The following ATAD2 variants were observed in gnomAD, a reference collection of about 807,000 sequenced individuals.
ATAD2 encodes ATPase family AAA domain-containing protein 2.
In ATAD2, 62 loss-of-function variants were observed where a neutral mutation model predicts 168.9. The ratio of observed to expected loss-of-function variants is 0.37; its 90% CI spans 0.30 to 0.45. The LOEUF is 0.45. Among genes scored for constraint, ATAD2 ranks in the 20% least tolerant of loss-of-function variants. ATAD2 has a pLI of 1.00. For missense variants in ATAD2, 1,419 were observed against 1,667.8 expected, an observed-to-expected ratio of 0.85 and a Z score of 2.60; for synonymous variants, 613 against 571.6, an observed-to-expected ratio of 1.07 and a Z score of -1.03.
intron 27 of ATAD2, 35 bp downstream of exon 27, chr8:123,322,903 G>A (rs1827510632): frequency 1.3e-6 from 2 of 1,598,372 alleles, no homozygotes; most frequent in South Asian, 2.2e-5. Context: ...GTGACCACAA[G>A]AGCATTTGTA....
chr8:123,404,050 C>T (rs983641127), intron 1 of ATAD2, among the ~76,000 whole-genome samples: 1 of 152,092 alleles, frequency 6.6e-6, no homozygotes, highest in African/African-American at 2.4e-5. Context: ...CTGGGCTAAA[C>T]CAATTAGGAG....
At chr8:123,380,867 G>A in intron 1 of ATAD2, 190 bp from the exon 2 acceptor site, 1 of 578,536 alleles carries the variant, frequency 1.7e-6, no homozygotes, top group Non-Finnish European at 3.0e-6. Context: ...TATCAGCAAT[G>A]TCTATGAAGC....
chr8:123,360,248 A>G (rs961150172), intron 9 of ATAD2, among the ~76,000 whole-genome samples: 1 of 152,222 alleles, frequency 6.6e-6, no homozygotes, highest in Non-Finnish European at 1.5e-5. Flanking sequence ...CTGCTATGAT[A>G]TCTCCCAGAA....
chr8:123,378,727 C>CAAAAAAAAAAAAAAAAAAAAAAAAAAA (rs1554646643), intron 2 of ATAD2, among the ~76,000 whole-genome samples: 8 of 91,018 alleles, frequency 8.8e-5, no homozygotes, highest in African/African-American at 3.2e-4. Context: ...AAAAAAAAAT[C>CAAAAAAAAAAAAAAAAAAAAAAAAAAA]AAAATTCCAT....
intron 19 of ATAD2, among the ~76,000 whole-genome samples, chr8:123,341,438 ATAGAATAAGAAGCCAGTAATAC>A (rs1828058410): frequency 6.6e-6 from 1 of 152,198 alleles, no homozygotes; most frequent in Non-Finnish European, 1.5e-5. Context: ...GTTTCAGTTG[ATAGAATAAGAAGCCAGTAATAC>A]TATGGCTAAC....
chr8:123,380,917 T>C (rs1829476219), intron 1 of ATAD2: 1 of 445,864 alleles, frequency 2.2e-6, no homozygotes, highest in Non-Finnish European at 4.0e-6. Flanking sequence ...TCATAACAAG[T>C]AGTTCATAAC....
rs1827430283 is a variant in ATAD2 at position 123,320,246 on chromosome 8, C to T, written c.*888G>A. On this transcript the variant is annotated 3_prime_UTR_variant, in exon 28 of 28. Coordinates refer to ENST00000287394, the MANE Select transcript of ATAD2 (RefSeq NM_014109.4). The stretch of plus-strand genomic sequence containing the variant: ...TGATTATTAGAATGTCTTCTCCCCA[C>T]TCTCCCCAAAAGCAAGTATGCATGG... The T allele has an allele frequency of 6.6e-6, 1 of 151,996 alleles. No individual in the cohort carries two copies. The highest frequency in any genetic ancestry group is 2.4e-5 in the African/African-American group (1 of 41,412). The allele number at this position is 151,996 out of a possible 1,614,324, so 9.4% of individuals were successfully genotyped here. A position where few individuals can be genotyped will look rare whatever the true frequency, so the allele number is the denominator to read the frequency against.
intron 1 of ATAD2, among the ~76,000 whole-genome samples, chr8:123,404,975 G>A (rs1256328274): frequency 6.6e-6 from 1 of 152,172 alleles, no homozygotes; most frequent in Non-Finnish European, 1.5e-5. Flanking sequence ...ACACATAAGA[G>A]GGGGGTTGGG....
intron 8 of ATAD2, among the ~76,000 whole-genome samples, chr8:123,365,037 T>C (rs1336859096): frequency 1.3e-5 from 2 of 152,030 alleles, no homozygotes; most frequent in Non-Finnish European, 2.9e-5. Flanking sequence ...CAAAGACTAC[T>C]GCAAAAAACT....
chr8:123,389,501 G>A (rs1232219497), intron 1 of ATAD2, among the ~76,000 whole-genome samples: 1 of 151,440 alleles, frequency 6.6e-6, no homozygotes, highest in Non-Finnish European at 1.5e-5. Context: ...TTAGCCGGGC[G>A]TGGTGGCGGG....
rs998666329 is a variant in ATAD2, at chr8:123,320,530, T to C, written c.*604A>G. On this transcript the variant is annotated 3_prime_UTR_variant, in exon 28 of 28. Transcript: ENST00000287394. ...ATTTAAAATCTTTATTAACCCAAAT[T>C]AGAATTATAAAAATGTTTGTCTCAA... 1 of 152,106 alleles carries C rather than the reference T, an allele frequency of 6.6e-6. No individual in the cohort carries two copies. The highest frequency in any genetic ancestry group is 2.4e-5 in the African/African-American group (1 of 41,420). The allele number at this position is 152,106 out of a possible 1,614,324, so 9.4% of individuals were successfully genotyped here.
chr8:123,326,037 A>G lies in ATAD2; in HGVS notation c.3869-11T>C, dbSNP rs981305705. On this transcript the variant is annotated splice_polypyrimidine_tract_variant and intron_variant, in intron 25 of 27. Coordinates refer to ENST00000287394, the MANE Select transcript of ATAD2 (RefSeq NM_014109.4). The stretch of plus-strand genomic sequence containing the variant: ...GCAGAACACACATTTCTAGAATGAA[A>G]AATCAAATGATTATTATTTGGTCCA... The G allele has an allele frequency of 4.3e-6, 7 of 1,612,474 alleles. No individual in the cohort carries two copies. Among genetic ancestry groups the G allele is most frequent in the Non-Finnish European group, 5.9e-6 (7 of 1,179,146 alleles).
In ATAD2 at chr8:123,411,935, A is replaced by G. The variant is rs543197191; in HGVS notation, c.-2282+4313T>C. Among the ~76,000 whole-genome samples, 4 of 152,304 alleles carry G rather than the reference A, an allele frequency of 2.6e-5. No individual in the cohort carries two copies. The South Asian group carries it at 8.3e-4, about 32-fold the overall frequency. On this transcript the variant is annotated intron_variant, in intron 1 of 28. Transcript: ENST00000521903. ...CTCAAATAATACCTGCACTGCTCAG[A>G]ATAAACTGTATGTTTCCTGATCTCC...
intron 1 of ATAD2, among the ~76,000 whole-genome samples, chr8:123,414,017 TG>T (rs1198451398): frequency 2.5e-5 from 3 of 117,776 alleles, no homozygotes; most frequent in African/African-American, 3.3e-5. Flanking sequence ...GCTGGGGTGG[TG>T]GGGGCGGAGG....
In ATAD2 at chr8:123,320,668, C is replaced by G. The variant is rs1275042281; in HGVS notation, c.*466G>C. 6.3e-6 allele frequency: 1 copy of G among 157,544 alleles called. No individual in the cohort carries two copies. The highest frequency in any genetic ancestry group is 1.4e-5 in the Non-Finnish European group (1 of 72,040). The allele number at this position is 157,544 out of a possible 1,614,324, so 9.8% of individuals were successfully genotyped here. A position where few individuals can be genotyped will look rare whatever the true frequency, so the allele number is the denominator to read the frequency against. ...GGCTTTTAAGTGAAGACGAGGGAATCTCAAGGCAGATGGGAGGAGGGCATT... is the reference window on the plus strand; with the variant it reads ...GGCTTTTAAGTGAAGACGAGGGAATGTCAAGGCAGATGGGAGGAGGGCATT... On this transcript the variant is annotated 3_prime_UTR_variant, in exon 28 of 28. Coordinates refer to ENST00000287394, the MANE Select transcript of ATAD2 (RefSeq NM_014109.4).
At position 123,319,953 on chromosome 8, in the gene ATAD2, A is replaced by G. The variant is rs1827424394; in HGVS notation, c.*1181T>C. The G allele has an allele frequency of 6.6e-6, 1 of 152,214 alleles. No homozygotes were observed. Among genetic ancestry groups the G allele is most frequent in the African/African-American group, 2.4e-5 (1 of 41,466 alleles). 9.4% of individuals were successfully genotyped at this position (152,214 alleles called of 1,614,324 possible). On this transcript the variant is annotated 3_prime_UTR_variant, in exon 28 of 28. Coordinates refer to ENST00000287394, the MANE Select transcript of ATAD2 (RefSeq NM_014109.4). ...CTAGAAGAATAATTTATAATAAACC[A>G]ACAAAAATGAGAATGTGTATCTCCA...
At chr8:123,381,375 C>T (rs1482580820) in intron 1 of ATAD2, among the ~76,000 whole-genome samples, 1 of 152,080 alleles carries the variant, frequency 6.6e-6, no homozygotes, top group Non-Finnish European at 1.5e-5. Context: ...GTGGAGCACA[C>T]CTGTGGTCCC....
At chr8:123,358,856 G>T (rs1317672042) in intron 11 of ATAD2, among the ~76,000 whole-genome samples, 1 of 147,320 alleles carries the variant, frequency 6.8e-6, no homozygotes, top group Non-Finnish European at 1.5e-5. Flanking sequence ...AGCGCACGCC[G>T]CCAGGCCTGG....
At chr8:123,380,204 A>G (rs1829455025) in intron 2 of ATAD2, among the ~76,000 whole-genome samples, 1 of 151,996 alleles carries the variant, frequency 6.6e-6, no homozygotes, top group South Asian at 2.1e-4. Flanking sequence ...GGCGCCCGCC[A>G]CTACACCCGG....
Sources: gnomAD v4.1 joint callset for allele counts (sites outside exome capture counted in the v4.1 genomes callset) on GRCh38, gnomAD v4.1.1 for gene constraint, MANE v1.5 for transcripts, NCBI Gene and HGNC (gene_info 2026-07-23, HGNC 2026-07-21) for gene names.